IQCJ: variants seen among roughly 807,000 people sequenced by gnomAD.
The protein encoded by IQCJ is IQ motif containing J, also known as IQ domain-containing protein J.
IQCJ carries 9 observed loss-of-function variants against 11.0 expected under a neutral mutation model. The ratio of observed to expected loss-of-function variants is 0.82; its 90% CI spans 0.49 to 1.43. The LOEUF is 1.43. Ranked by LOEUF, IQCJ falls within the 40% of genes most tolerant of loss-of-function variation. The pLI, the probability that IQCJ is intolerant of heterozygous loss-of-function variation, is 0.00. For missense variants in IQCJ, 146 were observed against 133.2 expected (o/e 1.10, Z -0.47); for synonymous variants, 55 against 51.3 (o/e 1.07, Z -0.31).
downstream of IQCJ, chr3:159,265,208 T>G: frequency 6.2e-7 from 1 of 1,612,642 alleles, no homozygotes; most frequent in South Asian, 1.1e-5. Flanking sequence ...TCTGCTGTGA[T>G]CATCAGTTTG....
chr3:159,170,313 G>C (rs1221186701), intron 1 of IQCJ, among the ~76,000 whole-genome samples: 1 of 151,966 alleles, frequency 6.6e-6, no homozygotes, highest in East Asian at 1.9e-4. Flanking sequence ...AGGAGGAAGG[G>C]AGAGAGAGAG....
chr3:159,191,989 C>T (rs1723716842), intron 1 of IQCJ, among the ~76,000 whole-genome samples: 1 of 152,204 alleles, frequency 6.6e-6, no homozygotes. Flanking sequence ...CATACATTTT[C>T]ATCAGAAAAT....
At chr3:159,190,364 G>T (rs1311566786) in intron 1 of IQCJ, among the ~76,000 whole-genome samples, 1 of 152,198 alleles carries the variant, frequency 6.6e-6, no homozygotes, top group Non-Finnish European at 1.5e-5. Flanking sequence ...TTCTGCCAGG[G>T]CATGTTTAAA....
intron 1 of IQCJ, among the ~76,000 whole-genome samples, chr3:159,146,979 C>T (rs991852754): frequency 1.3e-5 from 2 of 152,186 alleles, no homozygotes; most frequent in Non-Finnish European, 2.9e-5. Flanking sequence ...TGAACAACGG[C>T]TATATCCCTG....
chr3:159,261,046 G>A (rs974069697), intron 3 of IQCJ, among the ~76,000 whole-genome samples: 5 of 152,152 alleles, frequency 3.3e-5, no homozygotes, highest in Non-Finnish European at 7.3e-5. Flanking sequence ...AAAACATACA[G>A]ATTCAATAAT....
At chr3:159,244,178 C>T (rs1007844434) in intron 1 of IQCJ, among the ~76,000 whole-genome samples, 3 of 152,000 alleles carry the variant, frequency 2.0e-5, no homozygotes, top group South Asian at 2.1e-4. Context: ...ATATCATATT[C>T]GAGTAGAAGA....
chr3:159,075,686 T>G (rs1277660790), intron 1 of IQCJ, among the ~76,000 whole-genome samples: 1 of 152,130 alleles, frequency 6.6e-6, no homozygotes, highest in Non-Finnish European at 1.5e-5. Flanking sequence ...GGTCTGTGTA[T>G]GTAGACATTT....
At chr3:159,164,295 T>G (rs1577053548) in intron 1 of IQCJ, among the ~76,000 whole-genome samples, 1 of 152,206 alleles carries the variant, frequency 6.6e-6, no homozygotes, top group African/African-American at 2.4e-5. Flanking sequence ...CTGACCTGCC[T>G]TTTACAGTAC....
intron 1 of IQCJ, among the ~76,000 whole-genome samples, chr3:159,230,886 G>A (rs974689824): frequency 3.3e-5 from 5 of 152,032 alleles, no homozygotes; most frequent in Non-Finnish European, 5.9e-5. Flanking sequence ...TTATTGTTGG[G>A]GGTGTGTAGG....
chr3:159,252,131 C>T (rs369524907), intron 2 of IQCJ, among the ~76,000 whole-genome samples: 3 of 152,184 alleles, frequency 2.0e-5, no homozygotes, highest in East Asian at 1.9e-4. Context: ...ACTTCCTATC[C>T]GTCCTTCAAA....
intron 1 of IQCJ, among the ~76,000 whole-genome samples, chr3:159,130,865 T>A (rs1190145043): frequency 6.6e-6 from 1 of 152,206 alleles, no homozygotes; most frequent in Non-Finnish European, 1.5e-5. Context: ...TTTTTGTTTG[T>A]TTATTGCCTG....
chr3:159,208,215 A>G (rs1724764333), intron 1 of IQCJ, among the ~76,000 whole-genome samples: 2 of 152,212 alleles, frequency 1.3e-5, no homozygotes, highest in Admixed American at 1.3e-4. Context: ...AGGAAAATCC[A>G]TCCTCAGAAT....
chr3:159,201,534 T>C (rs1724335468), intron 1 of IQCJ, among the ~76,000 whole-genome samples: 1 of 151,746 alleles, frequency 6.6e-6, no homozygotes, highest in Non-Finnish European at 1.5e-5. Flanking sequence ...TGTGTGTGTG[T>C]GTGTAAAAAC....
Position 159,137,455 on chromosome 3 carries a change from A to T in IQCJ, c.9+68014A>T, listed in dbSNP as rs141356713. On this transcript the variant is annotated intron_variant, in intron 1 of 3. Transcript: ENST00000397832. ...TACTTCATGTTTCAGTTTCTGAAAA[A>T]TACTTAAAGATCTGCCTTTTAAACT... Among the ~76,000 whole-genome samples, 190 of 152,296 alleles carry T rather than the reference A, an allele frequency of 1.2e-3. 1 individual carries two copies. The highest frequency in any genetic ancestry group is 4.4e-3 in the African/African-American group (182 of 41,564).
At chr3:159,072,258 G>C (rs1382936067) in intron 1 of IQCJ, among the ~76,000 whole-genome samples, 1 of 152,062 alleles carries the variant, frequency 6.6e-6, no homozygotes, top group Non-Finnish European at 1.5e-5. Flanking sequence ...AACAATCACA[G>C]TTAGGGTGGG....
chr3:159,210,036 A>G (rs1724867525), intron 1 of IQCJ, among the ~76,000 whole-genome samples: 1 of 152,230 alleles, frequency 6.6e-6, no homozygotes, highest in Admixed American at 6.5e-5. Flanking sequence ...GATAAAACTA[A>G]GAAAAAGTGA....
At chr3:159,110,844 G>A (rs939248196) in intron 1 of IQCJ, among the ~76,000 whole-genome samples, 3 of 152,090 alleles carry the variant, frequency 2.0e-5, no homozygotes, top group Non-Finnish European at 4.4e-5. Context: ...GCTGCATCAA[G>A]TTGAGATCCA....
intron 1 of IQCJ, among the ~76,000 whole-genome samples, chr3:159,121,297 C>A (rs1719366892): frequency 6.6e-6 from 1 of 151,784 alleles, no homozygotes. Context: ...CCATGCCCGG[C>A]TAATCAAAAA....
rs745630105 is a variant in IQCJ, at chr3:159,252,812, G to GT, written c.155+7dup. ...CTTGGAATCAAAGGTGAAAATGTAA[G>GT]TTATTTCAAAGTATAAATTAAGCAA... On this transcript the variant is annotated splice_donor_region_variant and intron_variant, in intron 3 of 3. Coordinates refer to ENST00000397832, the MANE Select transcript of IQCJ (RefSeq NM_001042706.3). The GT allele has an allele frequency of 3.1e-6, 5 of 1,608,442 alleles. No individual in the cohort carries two copies. Among genetic ancestry groups the GT allele is most frequent in the South Asian group, 2.2e-5 (2 of 89,914 alleles).
Sources: gnomAD v4.1 joint callset for allele counts (sites outside exome capture counted in the v4.1 genomes callset) on GRCh38, gnomAD v4.1.1 for gene constraint, MANE v1.5 for transcripts, NCBI Gene and HGNC (gene_info 2026-07-23, HGNC 2026-07-21) for gene names.